FBXO5: variants seen among roughly 807,000 people sequenced by gnomAD.
The protein encoded by FBXO5 is F-box protein 5.
FBXO5 carries 8 observed loss-of-function variants against 43.3 expected under a neutral mutation model. The ratio of observed to expected loss-of-function variants is 0.18; its 90% CI spans 0.11 to 0.33. FBXO5 has a LOEUF of 0.33. Ranked by LOEUF, FBXO5 falls within the 10% of genes least tolerant of loss-of-function variation. The probability of loss-of-function intolerance (pLI) is 1.00; values close to 1 mark genes in which losing one functional copy is unlikely to be tolerated. For synonymous variants in FBXO5, 204 were observed against 193.7 expected, an observed-to-expected ratio of 1.05 and a Z score of -0.44; for missense variants, 491 against 535.7, an observed-to-expected ratio of 0.92 and a Z score of 0.82.
chr6:152,980,384 GA>G (rs1778242549), intron 1 of FBXO5, among the ~76,000 whole-genome samples: 1 of 152,220 alleles, frequency 6.6e-6, no homozygotes, highest in South Asian at 2.1e-4. Flanking sequence ...CAGATGGTGG[GA>G]AACACAGGAA....
chr6:152,971,682 T>A (rs1400341165), intron 4 of FBXO5, among the ~76,000 whole-genome samples: 1 of 152,216 alleles, frequency 6.6e-6, no homozygotes, highest in East Asian at 1.9e-4. Context: ...GATTTATATT[T>A]ACTGATCAAC....
At chr6:152,978,974 G>C (rs1778219349) in intron 1 of FBXO5, among the ~76,000 whole-genome samples, 1 of 151,452 alleles carries the variant, frequency 6.6e-6, no homozygotes, top group African/African-American at 2.4e-5. Flanking sequence ...CTGGAAGACA[G>C]AGGGAAACCC....
chr6:152,978,033 G>T (rs1240127149), intron 1 of FBXO5, among the ~76,000 whole-genome samples: 1 of 152,100 alleles, frequency 6.6e-6, no homozygotes, highest in Admixed American at 6.5e-5. Flanking sequence ...GCACACTGAA[G>T]TGTAGCTTAG....
intron 4 of FBXO5, among the ~76,000 whole-genome samples, 192 bp downstream of exon 4, chr6:152,972,080 C>G (rs552359122): frequency 1.4e-4 from 21 of 152,038 alleles, no homozygotes; most frequent in Non-Finnish European, 2.8e-4. Flanking sequence ...GAAGAGGACA[C>G]TAATGAAATC....
intron 3 of FBXO5, 142 bp downstream of exon 3, chr6:152,972,904 A>G: frequency 2.1e-6 from 1 of 474,130 alleles, no homozygotes; most frequent in Non-Finnish European, 3.6e-6. Context: ...TTATTTTTGA[A>G]TGTGGTTTCT....
rs1778096941 is a variant in FBXO5, at chr6:152,972,239, T to C, written c.1092+33A>G. 3.3e-6 allele frequency: 5 copies of C among 1,498,704 alleles called. No individual in the cohort carries two copies. The East Asian group carries it at 6.8e-5, about 20-fold the overall frequency. 92.8% of individuals were successfully genotyped at this position (1,498,704 alleles called of 1,614,324 possible). On this transcript the variant is annotated intron_variant, in intron 4 of 4. Transcript: ENST00000229758. ...TACATTTCTTACTCTAAATCTCTTA[T>C]GTTTTAAGATTTATGATTAGACAAA...
intron 1 of FBXO5, among the ~76,000 whole-genome samples, chr6:152,980,751 T>A (rs1463667303): frequency 6.6e-6 from 1 of 152,184 alleles, no homozygotes; most frequent in African/African-American, 2.4e-5. Context: ...GATCTGGATA[T>A]GAAGAAAAGG....
intron 1 of FBXO5, 137 bp downstream of exon 1, chr6:152,982,720 G>T (rs969244803): frequency 1.1e-5 from 6 of 547,402 alleles, no homozygotes; most frequent in African/African-American, 6.0e-5. Flanking sequence ...AACCGCTGCC[G>T]CCGCCCGAGG....
chr6:152,979,863 G>A (rs912565142), intron 1 of FBXO5, among the ~76,000 whole-genome samples: 2 of 152,010 alleles, frequency 1.3e-5, no homozygotes, highest in African/African-American at 2.4e-5. Context: ...TATAATTTCC[G>A]TTTCAGCCCT....
At chr6:152,976,374 C>T (rs1453236673) in intron 1 of FBXO5, among the ~76,000 whole-genome samples, 1 of 152,174 alleles carries the variant, frequency 6.6e-6, no homozygotes, top group Non-Finnish European at 1.5e-5. Flanking sequence ...ATGGGTGCTC[C>T]TGGTGACCTT....
rs566633034 is a variant in FBXO5 at position 152,973,265 on chromosome 6, T to C, written c.819-129A>G. The C allele has an allele frequency of 6.0e-5, 42 of 703,650 alleles. No individual in the cohort carries two copies. In the South Asian group the frequency reaches 8.0e-4, roughly 13 times the overall value. 43.6% of individuals were successfully genotyped at this position (703,650 alleles called of 1,614,324 possible). ...TTAGTGCTTCTCAAACCTGACCACA[T>C]TACAATTGCCTGGCGGTTTTAACTG... On this transcript the variant is annotated intron_variant, in intron 2 of 4. Transcript: ENST00000229758.
chr6:152,976,104 C>T (rs553527526), intron 1 of FBXO5, among the ~76,000 whole-genome samples: 1 of 152,040 alleles, frequency 6.6e-6, no homozygotes, highest in Non-Finnish European at 1.5e-5. Context: ...TTCTCTTTGA[C>T]GTAAGCACAA....
In FBXO5 at chr6:152,975,178, G is replaced by A. The variant is rs1778147491; in HGVS notation, c.547C>T (p.Pro183Ser). 1 of 1,613,992 alleles carries A rather than the reference G, an allele frequency of 6.2e-7. No homozygotes were observed. The highest frequency in any genetic ancestry group is 1.1e-5 in the South Asian group (1 of 91,080). Reference sequence around the variant, plus strand: ...AAGTTTTTGTTGGGATATTGGTCTGGGCTTTGTATTTGTAGCAGGCAGGAT... The same window carrying A: ...AAGTTTTTGTTGGGATATTGGTCTGAGCTTTGTATTTGTAGCAGGCAGGAT... ...LQSCLLQIQS[P>S]DQYPNKNLLP... is the part of the protein sequence containing the mutation. The change falls in exon 2 of 5, where the codon CCA becomes TCA. Residue 183 changes from proline to serine, a missense_variant. Transcript: ENST00000229758.
At position 152,977,380 on chromosome 6, in the gene FBXO5, T is replaced by C. The variant is rs117343490; in HGVS notation, c.104-1759A>G. On this transcript the variant is annotated intron_variant, in intron 1 of 4. Transcript: ENST00000229758. ...ATATAAAACTTAACCATTTTTTACA[T>C]AGAGCAAAACTTTTTAACTCAAAGT... Among the ~76,000 whole-genome samples the C allele has an allele frequency of 2.2e-3, 337 of 152,334 alleles. 9 individuals are homozygous for C. The East Asian group carries it at 0.059, about 26-fold the overall frequency.
chr6:152,976,104 C>A (rs553527526), intron 1 of FBXO5, among the ~76,000 whole-genome samples: 1 of 152,040 alleles, frequency 6.6e-6, no homozygotes, highest in East Asian at 1.9e-4. Flanking sequence ...TTCTCTTTGA[C>A]GTAAGCACAA....
At chr6:152,982,786 T>G (rs2129094797) in intron 1 of FBXO5, 71 bp downstream of exon 1, 1 of 1,100,910 alleles carries the variant, frequency 9.1e-7, no homozygotes, top group South Asian at 1.8e-5. Flanking sequence ...GGTCAGGGTC[T>G]CAGGCTGCGA....
Position 152,975,449 on chromosome 6 carries a change from C to T in FBXO5, c.276G>A (p.Arg92=), listed in dbSNP as rs760292761. The T allele has an allele frequency of 1.3e-5, 21 of 1,614,050 alleles. No homozygotes were observed. Among genetic ancestry groups the T allele is most frequent in the Non-Finnish European group, 1.6e-5 (19 of 1,180,006 alleles). The change falls in exon 2 of 5, where the codon AGG becomes AGA. Residue 92 remains arginine (R), a synonymous_variant. Transcript: ENST00000229758. ...SCKDCIKDYE[R]LSCIGSPIVS... ...CAATCGGTGACCCAATACATGACAG[C>T]CTTTCATAGTCTTTAATGCAGTCTT...
chr6:152,970,877 T>C lies in FBXO5; in HGVS notation c.*286A>G, dbSNP rs1778075226. Reference sequence around the variant, plus strand: ...TGCATGGGTTTCCTTTACCATAAAATTGAATCAATTTTTTTTTACCCTCAG... The same window carrying C: ...TGCATGGGTTTCCTTTACCATAAAACTGAATCAATTTTTTTTTACCCTCAG... On this transcript the variant is annotated 3_prime_UTR_variant, in exon 5 of 5. Transcript: ENST00000229758. 1 of 241,324 alleles carries C rather than the reference T, an allele frequency of 4.1e-6. No individual in the cohort carries two copies. The highest frequency in any genetic ancestry group is 5.0e-5 in the Admixed American group (1 of 19,810). The allele number at this position is 241,324 out of a possible 1,614,324, so 14.9% of individuals were successfully genotyped here.
At position 152,975,460 on chromosome 6, in the gene FBXO5, C is replaced by G. The variant is rs1030565823; in HGVS notation, c.265G>C (p.Asp89His). 14 of 1,613,928 alleles carry G rather than the reference C, an allele frequency of 8.7e-6. No homozygotes were observed. The highest frequency in any genetic ancestry group is 1.3e-5 in the African/African-American group (1 of 74,910). Residue 89 changes from aspartate to histidine, a missense_variant, in exon 2 of 5, where the codon GAC (aspartate) becomes CAC (histidine). Transcript: ENST00000229758. ...LEGSCKDCIK[D>H]YERLSCIGSP... ...CCAATACATGACAGCCTTTCATAGT[C>G]TTTAATGCAGTCTTTACAGGAACCT... is the stretch of plus-strand genomic sequence containing the variant.
Sources: gnomAD v4.1 joint callset for allele counts (sites outside exome capture counted in the v4.1 genomes callset) on GRCh38, gnomAD v4.1.1 for gene constraint, MANE v1.5 for transcripts, NCBI Gene and HGNC (gene_info 2026-07-23, HGNC 2026-07-21) for gene names.